The following SOBP variants were observed in gnomAD, a reference collection of about 807,000 sequenced individuals.
SOBP encodes the protein sine oculis-binding protein homolog.
Under a neutral mutation model 53.6 loss-of-function variants are expected in SOBP, and 4 were observed. That is an observed-to-expected ratio of 0.07 (90% CI 0.04 to 0.17). The LOEUF is 0.17. Among genes scored for constraint, SOBP ranks in the 10% least tolerant of loss-of-function variants. The pLI, the probability that SOBP is intolerant of heterozygous loss-of-function variation, is 1.00. For synonymous variants in SOBP, 584 were observed against 522.6 expected (o/e 1.12, Z -1.60); for missense variants, 1,088 against 1,204.7 (o/e 0.90, Z 1.43).
intron 3 of SOBP, among the ~76,000 whole-genome samples, chr6:107,529,089 G>T (rs945657098): frequency 1.3e-5 from 2 of 152,040 alleles, no homozygotes; most frequent in Admixed American, 6.6e-5. Context: ...GTTTTCTCTG[G>T]GTCTCCTTGT....
chr6:107,498,674 T>C (rs529560330), intron 1 of SOBP, among the ~76,000 whole-genome samples: 1 of 152,248 alleles, frequency 6.6e-6, no homozygotes, highest in Non-Finnish European at 1.5e-5. Context: ...ATCCTGGCAG[T>C]GTAAGATGCA....
chr6:107,640,678 A>C (rs1263695323), intron 6 of SOBP, among the ~76,000 whole-genome samples: 1 of 152,206 alleles, frequency 6.6e-6, no homozygotes, highest in East Asian at 1.9e-4. Context: ...CTTGGAGGGA[A>C]GGTTTTAATG....
chr6:107,564,770 A>G (rs1417726498), intron 4 of SOBP, among the ~76,000 whole-genome samples: 1 of 152,192 alleles, frequency 6.6e-6, no homozygotes, highest in African/African-American at 2.4e-5. Flanking sequence ...TATTCAATCT[A>G]TCTGTTTCAT....
intron 5 of SOBP, among the ~76,000 whole-genome samples, chr6:107,629,231 C>CTTTTTTTTTTTTTT (rs5878925): frequency 4.1e-5 from 5 of 123,328 alleles, no homozygotes; most frequent in Non-Finnish European, 6.9e-5. Context: ...GTGCTAATAT[C>CTTTTTTTTTTTTTT]TTTTTTTTTT....
In SOBP at chr6:107,635,426, T is replaced by G. The variant is rs761185423; in HGVS notation, c.2582T>G (p.Leu861Arg). The change falls in exon 6 of 7, where the codon CTC becomes CGC. Residue 861 changes from leucine (L) to arginine (R), a missense_variant. Transcript: ENST00000317357. The surrounding 1 kb of genome is among the most constrained non-coding windows in gnomAD (Gnocchi z 4.5). ...GGGCCTGAGGACCTGGAGCCGCCGC[T>G]CAAAAGGAGGTGCCTCCGAATTAGA... Reference protein sequence around the residue: ...SAGPEDLEPPLKRRCLRIRNQ... With the variant: ...SAGPEDLEPPRKRRCLRIRNQ... The G allele has an allele frequency of 6.2e-7, 1 of 1,613,548 alleles. No homozygotes were observed. The highest frequency in any genetic ancestry group is 1.1e-5 in the South Asian group (1 of 91,076).
chr6:107,561,600 G>C (rs1158432418), intron 4 of SOBP, among the ~76,000 whole-genome samples: 1 of 152,196 alleles, frequency 6.6e-6, no homozygotes, highest in Non-Finnish European at 1.5e-5. Flanking sequence ...GTGCTTGTGC[G>C]CAGCTGCCTG....
chr6:107,533,639 C>T (rs1298010500), intron 4 of SOBP, 29 bp downstream of exon 4: 29 of 1,613,732 alleles, frequency 1.8e-5, no homozygotes, highest in Non-Finnish European at 2.4e-5. Context: ...GAGGCGGCCC[C>T]CCACAGGCCT....
intron 5 of SOBP, among the ~76,000 whole-genome samples, chr6:107,607,436 C>A (rs1786426309): frequency 6.6e-6 from 1 of 152,192 alleles, no homozygotes; most frequent in Non-Finnish European, 1.5e-5. Flanking sequence ...GCCCCTCGTG[C>A]TTTGCTGCTG....
rs905254912 is a variant in SOBP, at chr6:107,634,464, C to T, written c.1620C>T (p.Pro540=). The change falls in exon 6 of 7, where the codon CCC becomes CCT. Residue 540 remains proline, a synonymous_variant. Transcript: ENST00000317357. The surrounding 1 kb of genome is among the most constrained non-coding windows in gnomAD (Gnocchi z 4.5). ...CCCTACCGGTGCCCATCCCCATCCC[C>T]ATCCCTATCCCTCACGTCAGCGACT... ...IVPLPVPIPI[P]IPIPHVSDSK... is the part of the protein sequence containing the mutation. 1.9e-6 allele frequency: 3 copies of T among 1,610,990 alleles called. No individual in the cohort carries two copies. Among genetic ancestry groups the T allele is most frequent in the African/African-American group, 1.3e-5 (1 of 74,932 alleles).
chr6:107,528,333 G>T (rs1359168641), intron 3 of SOBP, among the ~76,000 whole-genome samples: 1 of 152,122 alleles, frequency 6.6e-6, no homozygotes, highest in African/African-American at 2.4e-5. Flanking sequence ...ACAGAGGTAG[G>T]GGGGTCTCCC....
chr6:107,537,395 G>A (rs1342890299), intron 4 of SOBP, among the ~76,000 whole-genome samples: 1 of 152,220 alleles, frequency 6.6e-6, no homozygotes, highest in Non-Finnish European at 1.5e-5. Flanking sequence ...GCAATGTAAA[G>A]GATGATTATT....
chr6:107,578,539 A>C (rs1332168538), intron 4 of SOBP, among the ~76,000 whole-genome samples: 1 of 152,152 alleles, frequency 6.6e-6, no homozygotes, highest in East Asian at 1.9e-4. Flanking sequence ...AAACTCCATA[A>C]TGTCTCTGTG....
chr6:107,524,000 G>A lies in SOBP; in HGVS notation c.422-9459G>A, dbSNP rs72943596. ...TCCTCTGTCTACCTCTGGGGAGATT[G>A]TCAACCACTGTGGGACCCATTAAGT... is the stretch of plus-strand genomic sequence containing the variant. On this transcript the variant is annotated intron_variant, in intron 3 of 6. Coordinates refer to ENST00000317357, the MANE Select transcript of SOBP (RefSeq NM_018013.4). 7.7e-3 allele frequency among the ~76,000 whole-genome samples: 1,168 copies of A among 152,342 alleles called. 10 individuals are homozygous for A. Among genetic ancestry groups the A allele is most frequent in the Middle Eastern group, 0.051 (15 of 294 alleles).
chr6:107,644,969 A>G (rs764780710), intron 6 of SOBP, among the ~76,000 whole-genome samples: 43 of 152,208 alleles, frequency 2.8e-4, no homozygotes, highest in Non-Finnish European at 5.0e-4. Flanking sequence ...ATAATCCCCA[A>G]GGTTTAGGCA....
At chr6:107,654,774 C>G (rs1218244261) in intron 6 of SOBP, among the ~76,000 whole-genome samples, 11 of 151,412 alleles carry the variant, frequency 7.3e-5, no homozygotes, top group African/African-American at 2.2e-4. Flanking sequence ...GGAATCAGGG[C>G]TCTGAGGGAG....
intron 3 of SOBP, chr6:107,509,871 G>GA (rs1783117059): frequency 6.6e-6 from 1 of 152,170 alleles, no homozygotes; most frequent in Non-Finnish European, 1.5e-5. Context: ...CTCATCTGTT[G>GA]AAAATAAAAT....
At chr6:107,554,564 A>G (rs1784553304) in intron 4 of SOBP, among the ~76,000 whole-genome samples, 2 of 152,284 alleles carry the variant, frequency 1.3e-5, no homozygotes, top group South Asian at 2.1e-4. Context: ...AATTTAGCTT[A>G]ATTTGCCAAG....
In SOBP at chr6:107,490,643, A is replaced by G. The variant is rs753907639; in HGVS notation, c.27A>G (p.Arg9=). The G allele has an allele frequency of 8.1e-6, 13 of 1,607,450 alleles. No individual in the cohort carries two copies. The highest frequency in any genetic ancestry group is 1.0e-5 in the Non-Finnish European group (12 of 1,176,510). The change falls in exon 1 of 7, where the codon AGA becomes AGG. Residue 9 remains arginine (R), a synonymous_variant. Coordinates refer to ENST00000317357, the MANE Select transcript of SOBP (RefSeq NM_018013.4). The part of the protein sequence containing the change: MAEMEKEG[R]PPENKRSRKP... Reference sequence around the variant, plus strand: ...TGGCAGAAATGGAGAAAGAAGGGAGACCTCCCGAAAATAAACGGAGCAGGA... The same window carrying G: ...TGGCAGAAATGGAGAAAGAAGGGAGGCCTCCCGAAAATAAACGGAGCAGGA...
At chr6:107,553,222 A>G (rs541829035) in intron 4 of SOBP, among the ~76,000 whole-genome samples, 68 of 152,096 alleles carry the variant, frequency 4.5e-4, no homozygotes, top group African/African-American at 1.6e-3. Flanking sequence ...CAGGGAATAC[A>G]CATGCACAGA....
Sources: allele counts gnomAD v4.1 joint callset (sites outside exome capture counted in the v4.1 genomes callset), GRCh38; gene constraint gnomAD v4.1.1; non-coding constraint Gnocchi (gnomAD v3.1); transcripts MANE v1.5; gene names NCBI Gene and HGNC (gene_info 2026-07-23, HGNC 2026-07-21).